TM6SF1: variants seen among roughly 807,000 people sequenced by gnomAD.
TM6SF1 encodes transmembrane 6 superfamily member 1.
TM6SF1 carries 43 observed loss-of-function variants against 47.1 expected under a neutral mutation model. The observed-to-expected ratio is 0.91, with a 90% CI of 0.72 to 1.18. TM6SF1 has a LOEUF of 1.18. Ranked by LOEUF, TM6SF1 falls within the 50% of genes most tolerant of loss-of-function variation. The pLI is 0.00. For synonymous variants in TM6SF1, 177 were observed against 166.3 expected, an observed-to-expected ratio of 1.06 and a Z score of -0.49; for missense variants, 390 against 449.0, an observed-to-expected ratio of 0.87 and a Z score of 1.19.
At chr15:83,122,671 ATGACC>A in intron 5 of TM6SF1, 81 bp from the exon 6 acceptor site, 1 of 1,488,390 alleles carries the variant, frequency 6.7e-7, no homozygotes, top group Non-Finnish European at 9.1e-7. Flanking sequence ...AAAATTTTAG[ATGACC>A]TGAGATGGGG....
At chr15:83,120,435 A>G (rs1596491524) in intron 4 of TM6SF1, among the ~76,000 whole-genome samples, 1 of 152,156 alleles carries the variant, frequency 6.6e-6, no homozygotes. Context: ...GGGTCTTTTC[A>G]AAACATTTCA....
chr15:83,132,314 G>A (rs1401925472), intron 9 of TM6SF1: 1 of 152,166 alleles, frequency 6.6e-6, no homozygotes, highest in Non-Finnish European at 1.5e-5. Context: ...TAAGTGTATT[G>A]TATATAATTA....
intron 7 of TM6SF1, 23 bp from the exon 8 acceptor site, chr15:83,126,732 A>G (rs2035784532): frequency 6.3e-7 from 1 of 1,582,932 alleles, no homozygotes. Flanking sequence ...GTATTTTTAT[A>G]ATGAGTTTAT....
rs1052252730 is a variant in TM6SF1 at position 83,107,917 on chromosome 15, G to C, written c.92+145G>C. 7.5e-5 allele frequency: 98 copies of C among 1,308,596 alleles called. No homozygotes were observed. The highest frequency in any genetic ancestry group is 8.6e-5 in the Non-Finnish European group (88 of 1,028,526). 81.1% of individuals were successfully genotyped at this position (1,308,596 alleles called of 1,614,324 possible). ...TGGCCGCAGGGGCTCCCCGCGCCTGGCCAGACTAGGGGGGCGCCCCAGGGG... is the reference window on the plus strand; with the variant it reads ...TGGCCGCAGGGGCTCCCCGCGCCTGCCCAGACTAGGGGGGCGCCCCAGGGG... On this transcript the variant is annotated intron_variant, in intron 1 of 9. Transcript: ENST00000322019. This position sits in a 1 kb window ranked among gnomAD's most constrained non-coding sequence, Gnocchi z 5.6.
chr15:83,124,801 G>C, intron 7 of TM6SF1, 25 bp downstream of exon 7: 1 of 1,539,990 alleles, frequency 6.5e-7, no homozygotes. Context: ...TCATAATAAC[G>C]TAACATTGTG....
At chr15:83,116,437 TG>T (rs1057427670) in intron 3 of TM6SF1, among the ~76,000 whole-genome samples, 2 of 152,192 alleles carry the variant, frequency 1.3e-5, no homozygotes, top group Non-Finnish European at 2.9e-5. Context: ...TCTTATTTTA[TG>T]GTGGGCTGAA....
intron 9 of TM6SF1, chr15:83,134,783 C>T (rs771730647): frequency 3.9e-5 from 6 of 152,232 alleles, no homozygotes; most frequent in Non-Finnish European, 8.8e-5. Flanking sequence ...TCAAATGTGG[C>T]TTCCAGTCCA....
At chr15:83,119,540 CTTAT>C (rs138916172) in intron 3 of TM6SF1, 34 bp from the exon 4 acceptor site, 49,174 of 1,608,746 alleles carry the variant, frequency 0.031, 894 homozygotes, top group Non-Finnish European at 0.037. Flanking sequence ...ATTTACAGGT[CTTAT>C]TTAAAGTGGA....
chr15:83,112,597 A>C, intron 1 of TM6SF1, 200 bp from the exon 2 acceptor site: 1 of 601,258 alleles, frequency 1.7e-6, no homozygotes, highest in Middle Eastern at 4.5e-4. Flanking sequence ...CGGTCCCTGA[A>C]AGTCATGGGC....
intron 6 of TM6SF1, among the ~76,000 whole-genome samples, chr15:83,123,321 TC>T (rs1413358185): frequency 6.6e-6 from 1 of 152,060 alleles, no homozygotes; most frequent in Non-Finnish European, 1.5e-5. Flanking sequence ...CAATCTTGAC[TC>T]CAGAGATCCA....
At position 83,126,864 on chromosome 15, in the gene TM6SF1, GC is replaced by G. The variant is rs746627419; in HGVS notation, c.801+19del. On this transcript the variant is annotated intron_variant, in intron 8 of 9. Transcript: ENST00000322019. Reference sequence around the variant, plus strand: ...AAAATTCAGGTCAAGTAGTTATGAAGCCTAAGATTTTTCTAAAATTAATTTT... The same window carrying G: ...AAAATTCAGGTCAAGTAGTTATGAAGCTAAGATTTTTCTAAAATTAATTTT... 5 of 1,578,666 alleles carry G rather than the reference GC, an allele frequency of 3.2e-6. No homozygotes were observed. The highest frequency in any genetic ancestry group is 4.3e-6 in the Non-Finnish European group (5 of 1,158,930).
rs747407319 is a variant in TM6SF1 at position 83,122,738 on chromosome 15, C to T, written c.482-19C>T. On this transcript the variant is annotated intron_variant, in intron 5 of 9. Coordinates refer to ENST00000322019, the MANE Select transcript of TM6SF1 (RefSeq NM_023003.5). ...GATATGCTTTTGGTAACTTCTTTCT[C>T]TTTCTCTCTTTTAAATAGGGAAGTA... is the stretch of plus-strand genomic sequence containing the variant. 6.8e-6 allele frequency: 11 copies of T among 1,610,228 alleles called. No individual in the cohort carries two copies. The highest frequency in any genetic ancestry group is 9.3e-6 in the Non-Finnish European group (11 of 1,179,130).
At chr15:83,119,717 T>G in intron 4 of TM6SF1, 36 bp downstream of exon 4, 2 of 1,612,884 alleles carry the variant, frequency 1.2e-6, no homozygotes, top group Non-Finnish European at 1.7e-6. Flanking sequence ...CTTTGCCACC[T>G]TAGCAACCGA....
chr15:83,108,028 C>T (rs1216562609), intron 1 of TM6SF1: 2 of 675,458 alleles, frequency 3.0e-6, no homozygotes, highest in Non-Finnish European at 4.2e-6. Context: ...GCGCCAGGTG[C>T]CCGGGGTCAC....
At chr15:83,127,214 TA>T in intron 8 of TM6SF1, 143 bp from the exon 9 acceptor site, 1 of 777,034 alleles carries the variant, frequency 1.3e-6, no homozygotes, top group Non-Finnish European at 1.8e-6. Flanking sequence ...TAAATAAAAA[TA>T]AAAGTAAAAA....
At chr15:83,130,377 G>A (rs1437381326) in intron 9 of TM6SF1, 1 of 152,378 alleles carries the variant, frequency 6.6e-6, no homozygotes, top group Non-Finnish European at 1.5e-5. Flanking sequence ...GGACTACAGA[G>A]CAGCTGGCAG....
At chr15:83,122,657 T>C in intron 5 of TM6SF1, 100 bp from the exon 6 acceptor site, 11 of 1,371,862 alleles carry the variant, frequency 8.0e-6, no homozygotes, top group South Asian at 1.3e-5. Context: ...GTCTGGCCCA[T>C]AGCAAAATTT....
chr15:83,130,065 C>G (rs757971466), intron 9 of TM6SF1: 1 of 152,228 alleles, frequency 6.6e-6, no homozygotes, highest in South Asian at 2.1e-4. Flanking sequence ...TGTGCCTGGT[C>G]GGCCTGGTAC....
chr15:83,115,975 A>G, intron 3 of TM6SF1, 33 bp downstream of exon 3: 4 of 1,525,460 alleles, frequency 2.6e-6, no homozygotes, highest in East Asian at 2.2e-5. Flanking sequence ...TGAGGTTTCA[A>G]CCAAAAGGCC....
Sources: gnomAD v4.1 joint callset for allele counts (sites outside exome capture counted in the v4.1 genomes callset) on GRCh38, gnomAD v4.1.1 for gene constraint, Gnocchi (gnomAD v3.1) non-coding constraint, MANE v1.5 for transcripts, NCBI Gene and HGNC (gene_info 2026-07-23, HGNC 2026-07-21) for gene names.